Variants in TNIK observed in about 807,000 individuals in gnomAD.
TNIK encodes the protein TRAF2 and NCK-interacting protein kinase.
Under a neutral mutation model 191.3 loss-of-function variants are expected in TNIK, and 49 were observed. The ratio of observed to expected loss-of-function variants is 0.26; its 90% CI spans 0.20 to 0.32. The LOEUF (loss-of-function observed/expected upper bound fraction) is 0.32, where lower values mean the gene tolerates loss of function less well. Ranked by LOEUF, TNIK falls within the 10% of genes least tolerant of loss-of-function variation. The pLI is 1.00. For missense variants in TNIK, 1,155 were observed against 1,702.3 expected (o/e 0.68, Z 5.66); for synonymous variants, 594 against 600.9 (o/e 0.99, Z 0.17).
At chr3:171,177,906 A>T (rs950131270) in intron 7 of TNIK, among the ~76,000 whole-genome samples, 20 of 152,204 alleles carry the variant, frequency 1.3e-4, no homozygotes, top group African/African-American at 4.6e-4. Context: ...GCTTTCTGTC[A>T]CTATGAATTA....
At chr3:171,119,946 T>TA (rs999611580) in intron 18 of TNIK, among the ~76,000 whole-genome samples, 12 of 151,982 alleles carry the variant, frequency 7.9e-5, no homozygotes, top group African/African-American at 2.4e-4. Context: ...TTAAAGTATA[T>TA]AAAAAAAGTG....
intron 2 of TNIK, among the ~76,000 whole-genome samples, chr3:171,228,967 T>C (rs560875764): frequency 6.6e-6 from 1 of 152,318 alleles, no homozygotes; most frequent in African/African-American, 2.4e-5. Context: ...CTCACTACTT[T>C]TACATGAATT....
intron 2 of TNIK, among the ~76,000 whole-genome samples, chr3:171,250,088 C>T (rs182933655): frequency 1.6e-4 from 25 of 152,270 alleles, no homozygotes; most frequent in Admixed American, 7.8e-4. Context: ...TTTGTTACTC[C>T]GCCTTTCAAA....
chr3:171,119,161 T>C (rs192569940), intron 18 of TNIK, among the ~76,000 whole-genome samples: 3,672 of 152,298 alleles, frequency 0.024, 155 homozygotes, highest in African/African-American at 0.084. Flanking sequence ...CAAAAGAAGA[T>C]ATTTATGCAG....
At chr3:171,185,178 C>CGT (rs148499254) in intron 7 of TNIK, among the ~76,000 whole-genome samples, 21,897 of 145,796 alleles carry the variant, frequency 0.15, 1,815 homozygotes, top group Middle Eastern at 0.28. Flanking sequence ...ATAGATTTCC[C>CGT]GTGTGTGTGT....
At chr3:171,377,890 GCCAGGATTCAAAT>G (rs1235463356) in intron 1 of TNIK, among the ~76,000 whole-genome samples, 1 of 152,174 alleles carries the variant, frequency 6.6e-6, no homozygotes, top group East Asian at 1.9e-4. Context: ...TCATAGTAGA[GCCAGGATTCAAAT>G]CCAGGTATTT....
intron 2 of TNIK, among the ~76,000 whole-genome samples, chr3:171,360,269 C>T (rs1714782479): frequency 6.6e-6 from 1 of 152,198 alleles, no homozygotes; most frequent in Non-Finnish European, 1.5e-5. Flanking sequence ...TCCTTCAACA[C>T]ATCAACTACA....
chr3:171,419,596 T>C (rs1449502324), intron 1 of TNIK, among the ~76,000 whole-genome samples: 1 of 152,220 alleles, frequency 6.6e-6, no homozygotes, highest in Non-Finnish European at 1.5e-5. Context: ...AAGGAAGTCC[T>C]GGGCTCAGAT....
At chr3:171,145,215 T>C (rs945496006) in intron 12 of TNIK, among the ~76,000 whole-genome samples, 1 of 151,764 alleles carries the variant, frequency 6.6e-6, no homozygotes, top group Non-Finnish European at 1.5e-5. Context: ...GCCTCCCGAG[T>C]AGCTGGGACT....
chr3:171,110,425 T>C (rs1253771859), intron 19 of TNIK, among the ~76,000 whole-genome samples: 1 of 152,182 alleles, frequency 6.6e-6, no homozygotes, highest in East Asian at 1.9e-4. Context: ...GAAATTCAGG[T>C]GACTGGTAAG....
At chr3:171,135,734 G>A (rs1729906886) in intron 15 of TNIK, among the ~76,000 whole-genome samples, 1 of 152,198 alleles carries the variant, frequency 6.6e-6, no homozygotes, top group African/African-American at 2.4e-5. Context: ...TGGTGACTGG[G>A]AAACCTCACA....
chr3:171,413,743 C>T (rs555545067), intron 1 of TNIK, among the ~76,000 whole-genome samples: 2 of 152,322 alleles, frequency 1.3e-5, no homozygotes, highest in African/African-American at 4.8e-5. Flanking sequence ...CTATATGCAA[C>T]TTGAGAGAGC....
intron 12 of TNIK, among the ~76,000 whole-genome samples, chr3:171,148,320 A>G (rs1416096923): frequency 6.6e-6 from 1 of 152,214 alleles, no homozygotes; most frequent in Non-Finnish European, 1.5e-5. Context: ...GTGCAGAAGA[A>G]TTCTCATCCT....
chr3:171,357,207 C>T (rs1371502380), intron 2 of TNIK, among the ~76,000 whole-genome samples: 1 of 152,096 alleles, frequency 6.6e-6, no homozygotes, highest in African/African-American at 2.4e-5. Flanking sequence ...GTGTCAGTCT[C>T]CTTAATTTAT....
At chr3:171,087,232 C>A (rs956946183) in intron 24 of TNIK, 110 bp downstream of exon 24, 2 of 1,491,110 alleles carry the variant, frequency 1.3e-6, no homozygotes, top group Non-Finnish European at 1.8e-6. Context: ...TAGAAACCAA[C>A]CAAACAAGTT....
intron 2 of TNIK, among the ~76,000 whole-genome samples, chr3:171,256,393 A>G (rs550676902): frequency 1.3e-5 from 2 of 152,328 alleles, no homozygotes; most frequent in Admixed American, 1.3e-4. Flanking sequence ...AGGGAGGCAG[A>G]GCATTTTGCT....
chr3:171,182,327 G>A (rs1199873977), intron 7 of TNIK, among the ~76,000 whole-genome samples: 1 of 151,938 alleles, frequency 6.6e-6, no homozygotes, highest in Non-Finnish European at 1.5e-5. Flanking sequence ...TTGTTTAGCC[G>A]TTGGATACAT....
chr3:171,186,025 T>C (rs1737331634), intron 7 of TNIK, among the ~76,000 whole-genome samples: 1 of 152,198 alleles, frequency 6.6e-6, no homozygotes, highest in Non-Finnish European at 1.5e-5. Flanking sequence ...AAACACACAG[T>C]GAAATCCTCG....
In TNIK at chr3:171,060,507, C is replaced by A. The variant is rs939754906; in HGVS notation, c.*3374G>T. 2.0e-5 allele frequency among the ~76,000 whole-genome samples: 3 copies of A among 152,034 alleles called. No homozygotes were observed. Among genetic ancestry groups the A allele is most frequent in the Admixed American group, 6.6e-5 (1 of 15,260 alleles). On this transcript the variant is annotated 3_prime_UTR_variant, in exon 33 of 33. Coordinates refer to ENST00000436636, the MANE Select transcript of TNIK (RefSeq NM_015028.4). ...TCCAGGTGACCTTGTGAGATTTCAC[C>A]CATAACTTAATATACCCTGTTTAAT...
Sources: gnomAD v4.1 joint callset for allele counts (sites outside exome capture counted in the v4.1 genomes callset) on GRCh38, gnomAD v4.1.1 for gene constraint, MANE v1.5 for transcripts, NCBI Gene and HGNC (gene_info 2026-07-23, HGNC 2026-07-21) for gene names.